The following JAK3 variants were observed in gnomAD, a reference collection of about 807,000 sequenced individuals.
JAK3 encodes the protein Janus kinase 3, also known as tyrosine-protein kinase JAK3.
Under a neutral mutation model 120.8 loss-of-function variants are expected in JAK3, and 88 were observed. The observed-to-expected ratio is 0.73, with a 90% confidence interval of 0.61 to 0.87. The LOEUF is 0.87. Ranked by LOEUF, JAK3 falls within the 40% of genes least tolerant of loss-of-function variation. The pLI is 0.00. For synonymous variants in JAK3, 592 were observed against 628.6 expected, an observed-to-expected ratio of 0.94 and a Z score of 0.87; for missense variants, 1,254 against 1,501.4, an observed-to-expected ratio of 0.84 and a Z score of 2.72.
chr19:17,842,280 A>AC lies in JAK3; in HGVS notation c.861+35dup. 2.8e-5 allele frequency: 15 copies of AC among 544,812 alleles called. No homozygotes were observed. The highest frequency in any genetic ancestry group is 3.8e-5 in the Non-Finnish European group (15 of 399,328). The allele number at this position is 544,812 out of a possible 1,614,324, so 33.7% of individuals were successfully genotyped here. A position where few individuals can be genotyped will look rare whatever the true frequency, so the allele number is the denominator to read the frequency against. On this transcript the variant is annotated intron_variant, in intron 6 of 23. Transcript: ENST00000458235. This position sits in a 1 kb window ranked among gnomAD's most constrained non-coding sequence, Gnocchi z 6.4. The stretch of plus-strand genomic sequence containing the variant: ...CGGCCCCTCCCCGAGCCCCGCCCCC[A>AC]CGTTGGCCCCGCCCAGCGGGGGAGT...
rs374300158 is a variant in JAK3, at chr19:17,830,495, C to T, written c.3096+8G>A. ...AAGAAGGCTGGGGGCTCTGGGAAGC[C>T]GACTCACGGCCGAGGGGCTGCAGCT... On this transcript the variant is annotated splice_region_variant and intron_variant, in intron 22 of 23. Coordinates refer to ENST00000458235, the MANE Select transcript of JAK3 (RefSeq NM_000215.4). 8.7e-6 allele frequency: 14 copies of T among 1,608,350 alleles called. No individual in the cohort carries two copies. The highest frequency in any genetic ancestry group is 1.2e-5 in the Non-Finnish European group (14 of 1,176,090).
chr19:17,832,851 G>T lies in JAK3; in HGVS notation c.2429C>A (p.Ala810Asp). Residue 810 changes from alanine (A) to aspartate (D), a missense_variant, in exon 18 of 24, where the codon GCC (alanine) becomes GAC (aspartate). Physicochemically the swap from Ala to Asp is moderately radical, Grantham distance 126. Coordinates refer to ENST00000458235, the MANE Select transcript of JAK3 (RefSeq NM_000215.4). This position sits in a 1 kb window ranked among gnomAD's most constrained non-coding sequence, Gnocchi z 4.7. Reference sequence around the variant, plus strand: ...CTCGAAGATCGTGGGGTCTTGGCAGGCATAGAGCTGGGCACCATTCCACAG... The same window carrying T: ...CTCGAAGATCGTGGGGTCTTGGCAGTCATAGAGCTGGGCACCATTCCACAG... ...DGLWNGAQLY[A>D]CQDPTIFEER... 1 of 1,614,264 alleles carries T rather than the reference G, an allele frequency of 6.2e-7. No homozygotes were observed. Among genetic ancestry groups the T allele is most frequent in the Non-Finnish European group, 8.5e-7 (1 of 1,180,044 alleles).
At chr19:17,840,556 G>T (rs962149465) in intron 8 of JAK3, among the ~76,000 whole-genome samples, 5 of 152,044 alleles carry the variant, frequency 3.3e-5, no homozygotes, top group African/African-American at 1.2e-4. Context: ...GAGGTCAGGA[G>T]ATCAACACCA....
chr19:17,830,098 C>T lies in JAK3; in HGVS notation c.3207+10G>A, dbSNP rs866815271. The T allele has an allele frequency of 1.9e-6, 3 of 1,556,452 alleles. No individual in the cohort carries two copies. The highest frequency in any genetic ancestry group is 2.6e-6 in the Non-Finnish European group (3 of 1,148,790). ...GACTGGGAAACTGAGGCTAGCCCTGCGGCGCTCACCTCAGCAGGGCAGGCA... is the reference window on the plus strand; with the variant it reads ...GACTGGGAAACTGAGGCTAGCCCTGTGGCGCTCACCTCAGCAGGGCAGGCA... On this transcript the variant is annotated intron_variant, in intron 23 of 23. Transcript: ENST00000458235.
In JAK3 at chr19:17,828,491, G is replaced by C. The variant is rs138648683; in HGVS notation, c.3208-1581C>G. Among the ~76,000 whole-genome samples, 572 of 146,512 alleles carry C rather than the reference G, an allele frequency of 3.9e-3. 40 individuals are homozygous for C. Among genetic ancestry groups the C allele is most frequent in the African/African-American group, 0.014 (528 of 37,194 alleles). ...GCTGGTCTTGAACTCCTGGGTTCCA[G>C]TGATCCTCCTGCCTCAGCCTCCCTA... On this transcript the variant is annotated intron_variant, in intron 23 of 23. Transcript: ENST00000458235.
Position 17,831,076 on chromosome 19 carries a change from G to T in JAK3, c.2978+152C>A, listed in dbSNP as rs2094213497. ...AGGAGCCAGTGCTGTTGAGGGGGCGGGGCTCTGGGGAGTGGGAGGGGCCAA... is the reference window on the plus strand; with the variant it reads ...AGGAGCCAGTGCTGTTGAGGGGGCGTGGCTCTGGGGAGTGGGAGGGGCCAA... On this transcript the variant is annotated intron_variant, in intron 21 of 23. Transcript: ENST00000458235. The surrounding 1 kb of genome is among the most constrained non-coding windows in gnomAD (Gnocchi z 5.1). 4 of 722,446 alleles carry T rather than the reference G, an allele frequency of 5.5e-6. No homozygotes were observed. In the Admixed American group the frequency reaches 9.8e-5, roughly 18 times the overall value. The allele number at this position is 722,446 out of a possible 1,614,324, so 44.8% of individuals were successfully genotyped here. A position where few individuals can be genotyped will look rare whatever the true frequency, so the allele number is the denominator to read the frequency against.
rs1259733186 is a variant in JAK3, at chr19:17,843,007, C to T, written c.566+20G>A. On this transcript the variant is annotated intron_variant, in intron 5 of 23. Transcript: ENST00000458235. This position sits in a 1 kb window ranked among gnomAD's most constrained non-coding sequence, Gnocchi z 5.4. ...CTCACTCCCAAGCAGAGGCCGTCCC[C>T]ACAGCCTGGTGGCTCTCACCTGACA... 6.2e-7 allele frequency: 1 copy of T among 1,608,986 alleles called. No individual in the cohort carries two copies. The highest frequency in any genetic ancestry group is 1.3e-5 in the African/African-American group (1 of 74,914).
In JAK3 at chr19:17,832,898, A is replaced by C. The variant is rs752971512; in HGVS notation, c.2382T>G (p.Gly794=). 4.5e-5 allele frequency: 73 copies of C among 1,614,060 alleles called. 1 individual carries two copies. In the South Asian group the frequency reaches 8.0e-4, roughly 18 times the overall value. ...DYELLSDPTP[G]ALAPRDGLWN... is the part of the protein sequence containing the mutation. ...ACAGCCCATCACGAGGTGCCAGGGC[A>C]CCAGGTGTGGGGTCTGAGAGGAGCT... The change falls in exon 18 of 24, where the codon GGT becomes GGG. Residue 794 remains glycine, a synonymous_variant. Coordinates refer to ENST00000458235, the MANE Select transcript of JAK3 (RefSeq NM_000215.4). The surrounding 1 kb of genome is among the most constrained non-coding windows in gnomAD (Gnocchi z 4.7).
chr19:17,841,832 CCCCAAGCCACA>C lies in JAK3; in HGVS notation c.862-81_862-71del. On this transcript the variant is annotated intron_variant, in intron 6 of 23. Coordinates refer to ENST00000458235, the MANE Select transcript of JAK3 (RefSeq NM_000215.4). The surrounding 1 kb of genome is among the most constrained non-coding windows in gnomAD (Gnocchi z 4.1). ...CGCCAAACCACGCCCATGAACCCACCCCCAAGCCACACCATCCACTCCCTATCCCTTTGCCA... is the reference window on the plus strand; with the variant it reads ...CGCCAAACCACGCCCATGAACCCACCCCATCCACTCCCTATCCCTTTGCCA... 1 of 1,589,620 alleles carries C rather than the reference CCCCAAGCCACA, an allele frequency of 6.3e-7. No homozygotes were observed.
chr19:17,838,927 G>A (rs751527517), intron 10 of JAK3, among the ~76,000 whole-genome samples: 11 of 151,860 alleles, frequency 7.2e-5, no homozygotes, highest in Non-Finnish European at 1.2e-4. Flanking sequence ...TGTTGGCCAC[G>A]CTGGTCTCAA....
chr19:17,842,897 G>A lies in JAK3; in HGVS notation c.566+130C>T. 4 of 1,288,054 alleles carry A rather than the reference G, an allele frequency of 3.1e-6. No individual in the cohort carries two copies. Among genetic ancestry groups the A allele is most frequent in the Non-Finnish European group, 4.4e-6 (4 of 910,736 alleles). The allele number at this position is 1,288,054 out of a possible 1,614,324, so 79.8% of individuals were successfully genotyped here. A position where few individuals can be genotyped will look rare whatever the true frequency, so the allele number is the denominator to read the frequency against. ...GGTGGAGAGGGCTGGGTTCGTGGGA[G>A]GCCCTGGGTCATAGGAACACCCTGA... On this transcript the variant is annotated intron_variant, in intron 5 of 23. Coordinates refer to ENST00000458235, the MANE Select transcript of JAK3 (RefSeq NM_000215.4). This position sits in a 1 kb window ranked among gnomAD's most constrained non-coding sequence, Gnocchi z 6.4.
chr19:17,842,432 C>T lies in JAK3; in HGVS notation c.745G>A (p.Gly249Arg), dbSNP rs2147697397. The change falls in exon 6 of 24, where the codon GGG (glycine) becomes AGG (arginine). Residue 249 changes from glycine to arginine, a missense_variant. Physicochemically the swap from Gly to Arg is moderately radical, Grantham distance 125. Around this residue, in one of 3 missense-constraint regions of JAK3, gnomAD observed 486 missense variants for 503.0 expected, o/e 0.97. Coordinates refer to ENST00000458235, the MANE Select transcript of JAK3 (RefSeq NM_000215.4). This position sits in a 1 kb window ranked among gnomAD's most constrained non-coding sequence, Gnocchi z 6.4. ...IMDLERLDPAGAAETFHVGLP... is the reference protein window; with the variant it reads ...IMDLERLDPARAAETFHVGLP... ...CCCACGTGGAAGGTCTCGGCGGCCC[C>T]GGCTGGATCCAGCCGCTCCAGGTCC... 6.3e-7 allele frequency: 1 copy of T among 1,584,754 alleles called. No homozygotes were observed. Among genetic ancestry groups the T allele is most frequent in the Non-Finnish European group, 8.6e-7 (1 of 1,168,090 alleles).
In JAK3 at chr19:17,826,669, G is replaced by A. The variant is rs1413142536; in HGVS notation, c.*74C>T. The A allele has an allele frequency of 6.5e-7, 1 of 1,545,014 alleles. No individual in the cohort carries two copies. Among genetic ancestry groups the A allele is most frequent in the Admixed American group, 1.7e-5 (1 of 59,956 alleles). The stretch of plus-strand genomic sequence containing the variant: ...ACCCTCATAAGGCCTCTGAGGCCCA[G>A]AGAGGGGCAGCTCCGGGCCTAAGGT... On this transcript the variant is annotated 3_prime_UTR_variant, in exon 24 of 24. Transcript: ENST00000458235.
rs1415036742 is a variant in JAK3 at position 17,837,140 on chromosome 19, A to G, written c.1775T>C (p.Met592Thr). 1.9e-6 allele frequency: 3 copies of G among 1,554,568 alleles called. No individual in the cohort carries two copies. Among genetic ancestry groups the G allele is most frequent in the Admixed American group, 1.9e-5 (1 of 51,966 alleles). The change falls in exon 13 of 24, where the codon ATG becomes ACG. Residue 592 changes from methionine (M) to threonine (T), a missense_variant. By Grantham distance (81) the Met-to-Thr change is moderately conservative. Transcript: ENST00000458235. ...TGGGGGGCTCTCACTGTCTCCAGCC[A>G]TGCACACGCCGTGGAGCAGCACGAG... The part of the protein sequence containing the change: ...RHLVLLHGVC[M>T]AGDSTMVQEF...
chr19:17,826,724 A>G lies in JAK3; in HGVS notation c.*19T>C, dbSNP rs573691453. The G allele has an allele frequency of 1.9e-5, 31 of 1,613,610 alleles. No homozygotes were observed. In the African/African-American group the frequency reaches 2.4e-4, roughly 12 times the overall value. ...CAGCCAGTCAACAGAGACCTAATCC[A>G]GAGGTCTGCGGGCAGGAGCTATGAA... On this transcript the variant is annotated 3_prime_UTR_variant, in exon 24 of 24. Transcript: ENST00000458235.
chr19:17,847,710 C>T (rs1055758059), intron 1 of JAK3, among the ~76,000 whole-genome samples: 2 of 150,300 alleles, frequency 1.3e-5, no homozygotes, highest in Non-Finnish European at 1.5e-5. Context: ...TGCGCAATGA[C>T]TCCTCCAGGT....
Position 17,834,520 on chromosome 19 carries a change from G to A in JAK3, c.2350+51C>T, listed in dbSNP as rs577574934. ...GCTGCAAACCACGCTCCTTCCACTG[G>A]GCCCAATATGACATCACAGCCCTCC... On this transcript the variant is annotated intron_variant, in intron 17 of 23. Transcript: ENST00000458235. The A allele has an allele frequency of 1.9e-6, 3 of 1,609,932 alleles. No individual in the cohort carries two copies. In the East Asian group the frequency reaches 6.7e-5, roughly 36 times the overall value.
intron 17 of JAK3, 23 bp downstream of exon 17, chr19:17,834,548 A>AC: frequency 9.7e-5 from 107 of 1,098,682 alleles, no homozygotes; most frequent in Non-Finnish European, 1.3e-4. Context: ...AGCCCTCCCC[A>AC]CCCAACCCGT....
Position 17,830,107 on chromosome 19 carries a change from C to T in JAK3, c.3207+1G>A. 1 of 1,572,420 alleles carries T rather than the reference C, an allele frequency of 6.4e-7. No individual in the cohort carries two copies. Among genetic ancestry groups the T allele is most frequent in the Non-Finnish European group, 8.6e-7 (1 of 1,159,466 alleles). ...ACTGAGGCTAGCCCTGCGGCGCTCA[C>T]CTCAGCAGGGCAGGCAGGAGGCGCC... is the stretch of plus-strand genomic sequence containing the variant. On this transcript the variant is annotated splice_donor_variant, in intron 23 of 23. Transcript: ENST00000458235. LOFTEE classifies it high-confidence loss of function.
Sources: gnomAD v4.1 joint callset for allele counts (sites outside exome capture counted in the v4.1 genomes callset) on GRCh38, gnomAD v4.1.1 for gene constraint, gnomAD v4.1.1 regional missense constraint, Gnocchi (gnomAD v3.1) non-coding constraint, MANE v1.5 for transcripts, NCBI Gene and HGNC (gene_info 2026-07-23, HGNC 2026-07-21) for gene names.